The following SEMA4D variants were observed in gnomAD, a reference collection of about 807,000 sequenced individuals.
The protein encoded by SEMA4D is semaphorin 4D, also known as semaphorin-4D.
In SEMA4D, 22 loss-of-function variants were observed where a neutral mutation model predicts 74.8. The observed-to-expected ratio is 0.29, with a 90% CI of 0.21 to 0.42. The LOEUF is 0.42. SEMA4D is among the 10% of genes least tolerant of loss of function. The probability of loss-of-function intolerance (pLI) is 1.00; values close to 1 mark genes in which losing one functional copy is unlikely to be tolerated. For synonymous variants in SEMA4D, 445 were observed against 463.7 expected (o/e 0.96, Z 0.52); for missense variants, 937 against 1,118.4 (o/e 0.84, Z 2.31).
At chr9:89,485,645 G>A (rs555363463) in intron 1 of SEMA4D, among the ~76,000 whole-genome samples, 22 of 151,820 alleles carry the variant, frequency 1.4e-4, no homozygotes, top group South Asian at 4.2e-4. Context: ...AAAATTAGCC[G>A]GGCATGGTGG....
chr9:89,381,080 C>T lies in SEMA4D; in HGVS notation c.1638G>A (p.Met546Ile), dbSNP rs1484841952. ...ESPSRGLIQE[M>I]SGDASVCPDK... ...CCGGGCACACAGAAGCATCGCCGCT[C>T]ATCTCCTGAATCAAACCCCTGCAAA... Residue 546 changes from methionine to isoleucine, a missense_variant, in exon 15 of 16, where the codon ATG (methionine) becomes ATA (isoleucine). Transcript: ENST00000422704. The surrounding 1 kb of genome is among the most constrained non-coding windows in gnomAD (Gnocchi z 4.6). 1.2e-6 allele frequency: 2 copies of T among 1,614,150 alleles called. No homozygotes were observed. Among genetic ancestry groups the T allele is most frequent in the Non-Finnish European group, 1.7e-6 (2 of 1,180,052 alleles).
chr9:89,482,140 G>A (rs1267480063), intron 1 of SEMA4D, among the ~76,000 whole-genome samples: 1 of 152,108 alleles, frequency 6.6e-6, no homozygotes, highest in Non-Finnish European at 1.5e-5. Flanking sequence ...GCCAGTTGAG[G>A]ACCAACCAGC....
chr9:89,398,148 G>A (rs770827713), intron 5 of SEMA4D, among the ~76,000 whole-genome samples: 1 of 152,062 alleles, frequency 6.6e-6, no homozygotes, highest in Admixed American at 6.6e-5. Flanking sequence ...GCCGTCTCCC[G>A]ATTGGTTCTT....
At chr9:89,393,780 G>C (rs1840338504) in intron 6 of SEMA4D, 125 bp from the exon 7 acceptor site, 2 of 712,048 alleles carry the variant, frequency 2.8e-6, no homozygotes, top group Admixed American at 2.1e-5. Context: ...CGAGCAGATA[G>C]GTGTGGAGCT....
Position 89,387,426 on chromosome 9 carries a change from G to A in SEMA4D, c.1290C>T (p.Ala430=), listed in dbSNP as rs759102682. The A allele has an allele frequency of 6.2e-7, 1 of 1,614,114 alleles. No homozygotes were observed. The highest frequency in any genetic ancestry group is 8.5e-7 in the Non-Finnish European group (1 of 1,180,026). ...TGACATCATAGACAGTCCCATCCAG[G>A]GCCTGGGTCCGGTCCACCACGATCT... ...YTQIVVDRTQ[A]LDGTVYDVMF... The change falls in exon 12 of 16, where the codon GCC becomes GCT. Residue 430 remains alanine (A), a synonymous_variant. Transcript: ENST00000422704.
intron 2 of SEMA4D, among the ~76,000 whole-genome samples, chr9:89,426,089 AG>A (rs1848036310): frequency 6.6e-6 from 1 of 152,310 alleles, no homozygotes; most frequent in South Asian, 2.1e-4. Context: ...AAGTGTCCGC[AG>A]GGGGAGCGCA....
At chr9:89,403,076 T>C in intron 3 of SEMA4D, 60 bp from the exon 4 acceptor site, 1 of 1,571,142 alleles carries the variant, frequency 6.4e-7, no homozygotes, top group Non-Finnish European at 8.7e-7. Context: ...GAAGCATTTT[T>C]AAACCTGAGC....
chr9:89,428,435 C>T (rs1405836815), intron 2 of SEMA4D, among the ~76,000 whole-genome samples: 25 of 152,258 alleles, frequency 1.6e-4, no homozygotes, highest in Admixed American at 1.6e-3. Context: ...GAGAGGGTGC[C>T]AGGCGGCAGC....
chr9:89,366,374 T>C (rs1269269829), intron 16 of SEMA4D, among the ~76,000 whole-genome samples: 1 of 152,260 alleles, frequency 6.6e-6, no homozygotes, highest in Non-Finnish European at 1.5e-5. Context: ...TAATTTTTTA[T>C]AAAAGTGTTA....
At chr9:89,488,876 A>G (rs1019823032) in intron 1 of SEMA4D, among the ~76,000 whole-genome samples, 3 of 152,244 alleles carry the variant, frequency 2.0e-5, no homozygotes, top group Admixed American at 6.5e-5. Flanking sequence ...CTGAGAGAAA[A>G]TATTTGCAAT....
intron 1 of SEMA4D, among the ~76,000 whole-genome samples, chr9:89,496,842 A>G (rs56091496): frequency 0.19 from 28,587 of 152,216 alleles, 3,008 homozygotes; most frequent in Middle Eastern, 0.3. Flanking sequence ...CCCCCAGGAA[A>G]GGAAACTTCC....
chr9:89,385,052 C>T lies in SEMA4D; in HGVS notation c.1446+1315G>A, dbSNP rs1419213546. The T allele has an allele frequency of 4.1e-6, 4 of 985,002 alleles. No homozygotes were observed. The African/African-American group carries it at 7.0e-5, about 17-fold the overall frequency. 61.0% of individuals were successfully genotyped at this position (985,002 alleles called of 1,614,324 possible). On this transcript the variant is annotated intron_variant, in intron 13 of 15. Coordinates refer to ENST00000422704, the MANE Select transcript of SEMA4D (RefSeq NM_001371194.2). ...GCAAGCGCTTCCCCAAACCCACTGG[C>T]TCCTCCTCCTGGGCGCGAGGCTCCC...
At position 89,484,780 on chromosome 9, in the gene SEMA4D, G is replaced by A. The variant is rs116896123; in HGVS notation, c.-310+13139C>T. ...GTGAAGTGTGTGGTATGGGGAATGT[G>A]TGGTGTGGTGTGTGGATGTATTGTG... On this transcript the variant is annotated intron_variant, in intron 1 of 15. Transcript: ENST00000422704. The surrounding 1 kb of genome is among the most constrained non-coding windows in gnomAD (Gnocchi z 4.1). Among the ~76,000 whole-genome samples, 3,326 of 150,710 alleles carry A rather than the reference G, an allele frequency of 0.022. 63 individuals are homozygous for A. The highest frequency in any genetic ancestry group is 0.075 in the South Asian group (355 of 4,758).
At chr9:89,483,977 A>G (rs1824935388) in intron 1 of SEMA4D, among the ~76,000 whole-genome samples, 1 of 152,226 alleles carries the variant, frequency 6.6e-6, no homozygotes, top group Non-Finnish European at 1.5e-5. Context: ...GCAAGAAGGG[A>G]TATTACAGGA....
At chr9:89,418,591 G>T in intron 2 of SEMA4D, 1 of 236,368 alleles carries the variant, frequency 4.2e-6, no homozygotes, top group Non-Finnish European at 6.9e-6. Context: ...ATTTTTGGAT[G>T]GCTGGTTTTC....
intron 2 of SEMA4D, chr9:89,449,615 A>C: frequency 8.9e-7 from 1 of 1,124,248 alleles, no homozygotes; most frequent in African/African-American, 1.5e-5. Context: ...GGTCGTGACC[A>C]ACTATAAGAT....
chr9:89,412,092 C>T (rs1844658710), intron 2 of SEMA4D, among the ~76,000 whole-genome samples: 1 of 152,148 alleles, frequency 6.6e-6, no homozygotes, highest in Non-Finnish European at 1.5e-5. Context: ...CACTCCATCC[C>T]CCTCTGTGGT....
intron 2 of SEMA4D, among the ~76,000 whole-genome samples, chr9:89,432,916 C>T (rs1337810184): frequency 2.0e-5 from 3 of 152,170 alleles, no homozygotes; most frequent in Non-Finnish European, 2.9e-5. Flanking sequence ...CTCATATTCA[C>T]GACAGCACTA....
At chr9:89,460,240 C>T (rs1588057498) in intron 1 of SEMA4D, among the ~76,000 whole-genome samples, 2 of 152,222 alleles carry the variant, frequency 1.3e-5, no homozygotes, top group East Asian at 3.8e-4. Context: ...AAACAGCTGG[C>T]CTTGGGTAAG....
Sources: gnomAD v4.1 joint callset for allele counts (sites outside exome capture counted in the v4.1 genomes callset) on GRCh38, gnomAD v4.1.1 for gene constraint, Gnocchi (gnomAD v3.1) non-coding constraint, MANE v1.5 for transcripts, NCBI Gene and HGNC (gene_info 2026-07-23, HGNC 2026-07-21) for gene names.